AGBL1: variants seen among roughly 807,000 people sequenced by gnomAD.
AGBL1 encodes the protein cytosolic carboxypeptidase 4.
A neutral mutation model predicts 118.9 loss-of-function variants in AGBL1; 130 were observed. The observed-to-expected ratio is 1.09, with a 90% CI of 0.95 to 1.26. The LOEUF is 1.26. Among genes scored for constraint, AGBL1 ranks in the 50% most tolerant of loss-of-function variants. AGBL1 has a pLI of 0.00. For missense variants in AGBL1, 1,584 were observed against 1,298.1 expected (o/e 1.22, Z -3.38); for synonymous variants, 555 against 478.9 (o/e 1.16, Z -2.08).
intron 22 of AGBL1, among the ~76,000 whole-genome samples, chr15:86,690,816 G>A (rs1047400990): frequency 2.0e-5 from 3 of 152,088 alleles, no homozygotes; most frequent in Non-Finnish European, 4.4e-5. Context: ...TAGCATGGGT[G>A]CTGAATTGTT....
chr15:86,209,142 A>C (rs2078047175), intron 5 of AGBL1, among the ~76,000 whole-genome samples: 1 of 152,114 alleles, frequency 6.6e-6, no homozygotes, highest in Admixed American at 6.5e-5. Context: ...GAGTTTCTTA[A>C]TCCTGAGTTT....
chr15:86,755,953 G>A (rs1252383805), intron 22 of AGBL1, among the ~76,000 whole-genome samples: 1 of 152,096 alleles, frequency 6.6e-6, no homozygotes, highest in Non-Finnish European at 1.5e-5. Context: ...ATCCATTAAA[G>A]TGACAATGAA....
rs60498816 is a variant in AGBL1, at chr15:86,440,484, GAATAAT to G, written c.2555+42962_2555+42967del. On this transcript the variant is annotated intron_variant, in intron 18 of 22. Coordinates refer to ENST00000614907, the MANE Select transcript of AGBL1 (RefSeq NM_001386094.1). ...TGTCCTATCACCACCATGGGATGGA[GAATAAT>G]AATAATAATAATAATAATAATAACA... 6.2e-5 allele frequency among the ~76,000 whole-genome samples: 9 copies of G among 144,508 alleles called. 1 individual carries two copies. The highest frequency in any genetic ancestry group is 4.1e-4 in the East Asian group (2 of 4,906). The allele number at this position is 144,508 out of a possible 152,430, so 94.8% of individuals were successfully genotyped here.
In AGBL1 at chr15:86,165,281, G is replaced by A. The variant is rs372489693; in HGVS notation, c.488+6255G>A. 3.3e-5 allele frequency among the ~76,000 whole-genome samples: 5 copies of A among 152,228 alleles called. No individual in the cohort carries two copies. The East Asian group carries it at 7.8e-4, about 24-fold the overall frequency. ...CCTGGCCTTAGAATTCTGCCTGAGT[G>A]CAGGATTACTGGGCATTGCTTTATT... is the stretch of plus-strand genomic sequence containing the variant. On this transcript the variant is annotated intron_variant, in intron 5 of 22. Transcript: ENST00000614907.
At chr15:86,594,196 C>G (rs2084376552) in intron 21 of AGBL1, among the ~76,000 whole-genome samples, 1 of 152,112 alleles carries the variant, frequency 6.6e-6, no homozygotes, top group Non-Finnish European at 1.5e-5. Context: ...CAGGAGTGAG[C>G]CACTGCGTCT....
chr15:86,976,122 A>G (rs1433024626), intron 23 of AGBL1, among the ~76,000 whole-genome samples: 1 of 151,632 alleles, frequency 6.6e-6, no homozygotes, highest in East Asian at 1.9e-4. Context: ...TTTTAGATCT[A>G]TCACATAGGC....
intron 22 of AGBL1, among the ~76,000 whole-genome samples, chr15:86,769,859 A>T (rs1319608419): frequency 6.6e-6 from 1 of 151,932 alleles, no homozygotes; most frequent in Non-Finnish European, 1.5e-5. Context: ...ACAAATGCAA[A>T]TCTGGGGAGA....
intron 22 of AGBL1, among the ~76,000 whole-genome samples, chr15:86,851,613 A>G (rs1480154014): frequency 6.6e-6 from 1 of 152,206 alleles, no homozygotes; most frequent in Non-Finnish European, 1.5e-5. Flanking sequence ...TATCTGACTC[A>G]TGAAACCCGC....
intron 17 of AGBL1, among the ~76,000 whole-genome samples, chr15:86,310,174 G>C (rs2079898743): frequency 6.6e-6 from 1 of 152,018 alleles, no homozygotes; most frequent in African/African-American, 2.4e-5. Flanking sequence ...TATGTTTCTA[G>C]GAATTTATTC....
intron 7 of AGBL1, 128 bp from the exon 8 acceptor site, chr15:86,256,725 T>C: frequency 1.1e-6 from 1 of 885,956 alleles, no homozygotes; most frequent in Non-Finnish European, 1.7e-6. Context: ...TCCATGCGTA[T>C]AATTCATTAG....
At chr15:86,160,577 G>A (rs1351318371) in intron 5 of AGBL1, among the ~76,000 whole-genome samples, 1 of 152,122 alleles carries the variant, frequency 6.6e-6, no homozygotes, top group Non-Finnish European at 1.5e-5. Context: ...ATTGTGTGCA[G>A]GCCTTTGCTG....
rs113163930 is a variant in AGBL1 at position 86,204,481 on chromosome 15, T to G, written c.489-20433T>G. Among the ~76,000 whole-genome samples, 574 of 138,088 alleles carry G rather than the reference T, an allele frequency of 4.2e-3. 3 individuals are homozygous for G. The highest frequency in any genetic ancestry group is 0.015 in the African/African-American group (555 of 36,528). 90.6% of individuals were successfully genotyped at this position (138,088 alleles called of 152,430 possible). On this transcript the variant is annotated intron_variant, in intron 5 of 22. Coordinates refer to ENST00000614907, the MANE Select transcript of AGBL1 (RefSeq NM_001386094.1). ...ATTGATCCCTTCCCTTACCTTCCCT[T>G]CCTTTCCCTTCCCCTTCCCCTTCCC...
At chr15:86,809,713 T>C (rs12905820) in intron 22 of AGBL1, among the ~76,000 whole-genome samples, 48,255 of 152,052 alleles carry the variant, frequency 0.32, 9,735 homozygotes, top group Non-Finnish European at 0.47. Flanking sequence ...TCTAGAGATA[T>C]GTAGCTCTAT....
At chr15:86,810,303 C>T (rs1365655196) in intron 22 of AGBL1, among the ~76,000 whole-genome samples, 1 of 152,090 alleles carries the variant, frequency 6.6e-6, no homozygotes, top group East Asian at 1.9e-4. Flanking sequence ...TCTGATCTGT[C>T]ATTTAGCTAC....
intron 17 of AGBL1, among the ~76,000 whole-genome samples, chr15:86,335,489 A>C (rs1360267137): frequency 6.6e-6 from 1 of 152,168 alleles, no homozygotes; most frequent in Non-Finnish European, 1.5e-5. Flanking sequence ...AGTAGGAAGA[A>C]GAGGGCACTG....
intron 18 of AGBL1, among the ~76,000 whole-genome samples, chr15:86,400,367 AT>A (rs1367441154): frequency 6.6e-6 from 1 of 151,226 alleles, no homozygotes; most frequent in Non-Finnish European, 1.5e-5. Flanking sequence ...TGTATATGGT[AT>A]TTTTTTCGAT....
At chr15:86,315,177 C>A (rs531701643) in intron 17 of AGBL1, among the ~76,000 whole-genome samples, 1 of 152,104 alleles carries the variant, frequency 6.6e-6, no homozygotes, top group Admixed American at 6.5e-5. Flanking sequence ...CAGGGTAACC[C>A]GAAAGCCTTT....
At chr15:87,019,882 TAAAG>T (rs1567290563) in intron 24 of AGBL1, among the ~76,000 whole-genome samples, 3 of 151,826 alleles carry the variant, frequency 2.0e-5, no homozygotes, top group South Asian at 4.2e-4. Flanking sequence ...GTTAGACTAA[TAAAG>T]AAGAAAGAAG....
intron 21 of AGBL1, among the ~76,000 whole-genome samples, chr15:86,657,106 C>T (rs899563023): frequency 6.6e-6 from 1 of 152,178 alleles, no homozygotes; most frequent in Admixed American, 6.5e-5. Context: ...TTCCTCGTTT[C>T]TCAGTGTGAT....
Sources: gnomAD v4.1 joint callset for allele counts (sites outside exome capture counted in the v4.1 genomes callset) on GRCh38, gnomAD v4.1.1 for gene constraint, MANE v1.5 for transcripts, NCBI Gene and HGNC (gene_info 2026-07-23, HGNC 2026-07-21) for gene names.